The following FYB1 variants were observed in gnomAD, a reference collection of about 807,000 sequenced individuals.
The protein encoded by FYB1 is FYN-binding protein 1.
In FYB1, 41 loss-of-function variants were observed where a neutral mutation model predicts 94.1. The observed-to-expected ratio is 0.44, with a 90% CI of 0.34 to 0.57. FYB1 has a LOEUF of 0.57. Ranked by LOEUF, FYB1 falls within the 20% of genes least tolerant of loss-of-function variation. FYB1 has a pLI of 0.02. For synonymous variants in FYB1, 367 were observed against 353.2 expected (o/e 1.04, Z -0.44); for missense variants, 1,050 against 976.8 (o/e 1.07, Z -1.00).
At chr5:39,215,493 C>T (rs940376403) in intron 1 of FYB1, among the ~76,000 whole-genome samples, 3 of 152,082 alleles carry the variant, frequency 2.0e-5, no homozygotes, top group African/African-American at 7.2e-5. Flanking sequence ...GCTGTGTGGT[C>T]CAACCCACCC....
intron 3 of FYB1, among the ~76,000 whole-genome samples, chr5:39,151,214 C>T (rs538338831): frequency 2.0e-5 from 3 of 152,230 alleles, no homozygotes; most frequent in Non-Finnish European, 4.4e-5. Flanking sequence ...ACCTCCACCA[C>T]TTACCTCTGC....
chr5:39,253,532 T>C (rs868311618), intron 1 of FYB1, among the ~76,000 whole-genome samples: 1 of 152,178 alleles, frequency 6.6e-6, no homozygotes, highest in Non-Finnish European at 1.5e-5. Flanking sequence ...TAAATGTGTG[T>C]TGTAAGGCAT....
chr5:39,169,878 G>C, intron 2 of FYB1: 1 of 574,830 alleles, frequency 1.7e-6, no homozygotes, highest in South Asian at 1.5e-5. Flanking sequence ...AACTCTGAAA[G>C]ACAGGTGTCT....
At chr5:39,140,989 G>T in intron 4 of FYB1, 106 bp downstream of exon 4, 1 of 754,006 alleles carries the variant, frequency 1.3e-6, no homozygotes, top group Non-Finnish European at 2.3e-6. Flanking sequence ...GCCTTGCACA[G>T]ACCAGTGATG....
intron 1 of FYB1, among the ~76,000 whole-genome samples, chr5:39,255,739 C>T (rs988090967): frequency 2.0e-5 from 3 of 152,164 alleles, no homozygotes; most frequent in Non-Finnish European, 2.9e-5. Flanking sequence ...GCATCACCAA[C>T]TCCAATGTTT....
At chr5:39,194,055 C>T (rs1049087591) in intron 2 of FYB1, among the ~76,000 whole-genome samples, 2 of 152,182 alleles carry the variant, frequency 1.3e-5, no homozygotes, top group African/African-American at 4.8e-5. Context: ...AAATGATTGA[C>T]ACAGACATAT....
intron 2 of FYB1, among the ~76,000 whole-genome samples, chr5:39,195,540 C>G (rs1292471513): frequency 6.6e-6 from 1 of 152,180 alleles, no homozygotes; most frequent in African/African-American, 2.4e-5. Flanking sequence ...ATGATACATA[C>G]ACAGATGAGG....
chr5:39,265,014 G>A (rs912991224), intron 1 of FYB1, among the ~76,000 whole-genome samples: 4 of 151,944 alleles, frequency 2.6e-5, no homozygotes, highest in African/African-American at 4.9e-5. Context: ...GACCAGCAGC[G>A]TCAGCCTCAT....
chr5:39,137,801 A>G (rs2150323839), intron 6 of FYB1, 81 bp from the exon 7 acceptor site: 6 of 1,524,974 alleles, frequency 3.9e-6, no homozygotes, highest in African/African-American at 2.8e-5. Context: ...GTTTCTACTC[A>G]CAACAGAAAA....
At chr5:39,188,236 C>G (rs1307739964) in intron 2 of FYB1, among the ~76,000 whole-genome samples, 2 of 152,014 alleles carry the variant, frequency 1.3e-5, no homozygotes, top group African/African-American at 4.8e-5. Flanking sequence ...CAGAGCTATG[C>G]CATGGAATAT....
chr5:39,215,726 C>T (rs1164005898), intron 1 of FYB1, among the ~76,000 whole-genome samples: 2 of 152,098 alleles, frequency 1.3e-5, no homozygotes, highest in African/African-American at 4.8e-5. Flanking sequence ...GGTGGAGGTA[C>T]CCTGATTTAG....
intron 3 of FYB1, among the ~76,000 whole-genome samples, chr5:39,143,116 C>G (rs1742328974): frequency 6.6e-6 from 1 of 152,076 alleles, no homozygotes; most frequent in African/African-American, 2.4e-5. Flanking sequence ...TGGCAAATTC[C>G]ATGTTGAAAT....
At chr5:39,175,333 G>T (rs1271437668) in intron 2 of FYB1, among the ~76,000 whole-genome samples, 1 of 152,196 alleles carries the variant, frequency 6.6e-6, no homozygotes, top group African/African-American at 2.4e-5. Context: ...GTTTGGAGAA[G>T]ACTCCGGTTG....
At chr5:39,110,662 TTTCA>T in intron 16 of FYB1, 1 of 325,222 alleles carries the variant, frequency 3.1e-6, no homozygotes, top group Non-Finnish European at 5.8e-6. Context: ...AAGCAACTTT[TTTCA>T]TTAAGCTACT....
At position 39,175,351 on chromosome 5, in the gene FYB1, ACT is replaced by A. The variant is rs147058875; in HGVS notation, c.1136-21749_1136-21748del. On this transcript the variant is annotated intron_variant, in intron 2 of 18. Coordinates refer to ENST00000512982, the MANE Select transcript of FYB1 (RefSeq NM_001465.6). ...TGGAGAAGACTCCGGTTGATTGATG[ACT>A]CTGATATAAGCGGTGAACATTGTTG... Among the ~76,000 whole-genome samples, 448 of 152,260 alleles carry A rather than the reference ACT, an allele frequency of 2.9e-3. 2 individuals carry two copies. The highest frequency in any genetic ancestry group is 0.011 in the African/African-American group (440 of 41,534).
chr5:39,243,863 C>T (rs780939687), intron 1 of FYB1, among the ~76,000 whole-genome samples: 2 of 151,996 alleles, frequency 1.3e-5, no homozygotes, highest in African/African-American at 4.8e-5. Context: ...TCACATCCCC[C>T]GTAAGTTGGG....
chr5:39,221,666 C>A (rs1209088456), upstream of FYB1, among the ~76,000 whole-genome samples: 2 of 152,134 alleles, frequency 1.3e-5, no homozygotes, highest in Non-Finnish European at 2.9e-5. Flanking sequence ...TGTTTTTCTT[C>A]TCCTCTCTGC....
At chr5:39,175,102 G>A (rs1191738771) in intron 2 of FYB1, among the ~76,000 whole-genome samples, 1 of 152,166 alleles carries the variant, frequency 6.6e-6, no homozygotes, top group Non-Finnish European at 1.5e-5. Context: ...TAAGGAGGAG[G>A]GGAATTGCTG....
chr5:39,251,584 G>C (rs186228353), intron 1 of FYB1, among the ~76,000 whole-genome samples: 3 of 152,190 alleles, frequency 2.0e-5, no homozygotes, highest in African/African-American at 7.2e-5. Flanking sequence ...GAAAAGTAAG[G>C]TGCACCCTAT....
Sources: allele counts gnomAD v4.1 joint callset (sites outside exome capture counted in the v4.1 genomes callset), GRCh38; gene constraint gnomAD v4.1.1; transcripts MANE v1.5; gene names NCBI Gene and HGNC (gene_info 2026-07-23, HGNC 2026-07-21).